DPP10: variants seen among roughly 807,000 people sequenced by gnomAD.
The protein encoded by DPP10 is inactive dipeptidyl peptidase 10.
In DPP10, 33 loss-of-function variants were observed where a neutral mutation model predicts 120.9. The ratio of observed to expected loss-of-function variants is 0.27; its 90% CI spans 0.21 to 0.37. The LOEUF (loss-of-function observed/expected upper bound fraction) is 0.37, where lower values mean the gene tolerates loss of function less well. Ranked by LOEUF, DPP10 falls within the 10% of genes least tolerant of loss-of-function variation. The probability of loss-of-function intolerance (pLI) is 1.00; values close to 1 mark genes in which losing one functional copy is unlikely to be tolerated. For synonymous variants in DPP10, 337 were observed against 326.1 expected, an observed-to-expected ratio of 1.03 and a Z score of -0.36; for missense variants, 816 against 942.8, an observed-to-expected ratio of 0.87 and a Z score of 1.76.
chr2:115,166,329 G>A (rs568159634), intron 1 of DPP10, among the ~76,000 whole-genome samples: 4 of 150,888 alleles, frequency 2.7e-5, no homozygotes, highest in East Asian at 1.9e-4. Flanking sequence ...ATATTACTTC[G>A]AATTATTCAA....
At chr2:115,357,959 G>A (rs1439231773) in intron 3 of DPP10, among the ~76,000 whole-genome samples, 2 of 152,060 alleles carry the variant, frequency 1.3e-5, no homozygotes, top group African/African-American at 4.8e-5. Flanking sequence ...ACAGTACCGA[G>A]GCTATACACA....
At chr2:114,841,507 T>G (rs1352806574) in intron 1 of DPP10, among the ~76,000 whole-genome samples, 5 of 152,272 alleles carry the variant, frequency 3.3e-5, no homozygotes, top group East Asian at 1.9e-4. Context: ...CTGAGTGATT[T>G]CAAATGGAGG....
At chr2:114,766,930 C>CGA (rs912446986) in intron 1 of DPP10, among the ~76,000 whole-genome samples, 18 of 150,360 alleles carry the variant, frequency 1.2e-4, no homozygotes, top group Non-Finnish European at 1.6e-4. Context: ...CATACACACA[C>CGA]GAGAGAGAGA....
intron 1 of DPP10, among the ~76,000 whole-genome samples, chr2:114,460,908 T>C (rs1246266463): frequency 1.3e-5 from 2 of 152,230 alleles, no homozygotes; most frequent in Non-Finnish European, 2.9e-5. Flanking sequence ...TAATTGTTTG[T>C]AGATGAAAAA....
chr2:114,758,935 G>T (rs955279846), intron 1 of DPP10, among the ~76,000 whole-genome samples: 1 of 152,158 alleles, frequency 6.6e-6, no homozygotes, highest in East Asian at 1.9e-4. Context: ...AAGTGAAAAT[G>T]GATGTTCAGA....
Position 115,569,109 on chromosome 2 carries a change from C to A in DPP10, c.441+43137C>A, listed in dbSNP as rs144815181. On this transcript the variant is annotated intron_variant, in intron 5 of 25. Coordinates refer to ENST00000410059, the MANE Select transcript of DPP10 (RefSeq NM_020868.6). Reference sequence around the variant, plus strand: ...TTGCATGCTATATGTATTTTCACCACCCCTTAGTTCACAGATGAAAAACCA... The same window carrying A: ...TTGCATGCTATATGTATTTTCACCAACCCTTAGTTCACAGATGAAAAACCA... Among the ~76,000 whole-genome samples, 237 of 152,300 alleles carry A rather than the reference C, an allele frequency of 1.6e-3. 3 individuals are homozygous for A. The highest frequency in any genetic ancestry group is 5.1e-3 in the African/African-American group (210 of 41,556).
At chr2:115,483,669 G>A (rs2075585505) in intron 3 of DPP10, among the ~76,000 whole-genome samples, 2 of 152,036 alleles carry the variant, frequency 1.3e-5, no homozygotes, top group South Asian at 4.1e-4. Context: ...AATAAAAAAT[G>A]TACTCTCCAC....
At chr2:114,941,935 G>A (rs1236601331) in intron 1 of DPP10, among the ~76,000 whole-genome samples, 1 of 152,046 alleles carries the variant, frequency 6.6e-6, no homozygotes. Context: ...TATGATAAAT[G>A]TAGCTCATAT....
chr2:115,726,810 T>C lies in DPP10; in HGVS notation c.577-1006T>C, dbSNP rs570656449. 1.8e-4 allele frequency among the ~76,000 whole-genome samples: 27 copies of C among 152,242 alleles called. No homozygotes were observed. The South Asian group carries it at 5.2e-3, about 29-fold the overall frequency. On this transcript the variant is annotated intron_variant, in intron 7 of 25. Transcript: ENST00000410059. Reference sequence around the variant, plus strand: ...TAGGGCCTCGTAAGTATTCAGACAATTGTCTTGGAAGATCTTGTGTTTTCT... The same window carrying C: ...TAGGGCCTCGTAAGTATTCAGACAACTGTCTTGGAAGATCTTGTGTTTTCT...
intron 1 of DPP10, among the ~76,000 whole-genome samples, chr2:114,894,181 CATT>C (rs902165136): frequency 4.5e-4 from 69 of 152,280 alleles, no homozygotes; most frequent in African/African-American, 1.4e-3. Flanking sequence ...AAGAAACACA[CATT>C]AATAATTCCC....
intron 7 of DPP10, among the ~76,000 whole-genome samples, chr2:115,723,585 A>G (rs891944110): frequency 6.7e-6 from 1 of 148,228 alleles, no homozygotes; most frequent in Non-Finnish European, 1.5e-5. Context: ...TGCTCTCTGC[A>G]GGTTGGTGTA....
chr2:114,774,149 C>T (rs966318679), intron 1 of DPP10, among the ~76,000 whole-genome samples: 2 of 151,942 alleles, frequency 1.3e-5, no homozygotes, highest in East Asian at 3.9e-4. Flanking sequence ...GTATTCTGTG[C>T]CAGGAGATGA....
intron 5 of DPP10, among the ~76,000 whole-genome samples, chr2:115,598,694 T>A (rs575757354): frequency 6.6e-6 from 1 of 151,974 alleles, no homozygotes; most frequent in Non-Finnish European, 1.5e-5. Context: ...AAGAAATTTT[T>A]AAAATAGGGC....
rs923682074 is a variant in DPP10, at chr2:114,531,564, T to TCA, written c.60+88727_60+88728dup. On this transcript the variant is annotated intron_variant, in intron 1 of 25. Transcript: ENST00000410059. ...ATAAAATGAATACATATATATGTAT[T>TCA]CATATATATATTTATATGTTACAGA... is the stretch of plus-strand genomic sequence containing the variant. 8.7e-4 allele frequency among the ~76,000 whole-genome samples: 12 copies of TCA among 13,842 alleles called. 1 individual carries two copies. Among genetic ancestry groups the TCA allele is most frequent in the African/African-American group, 2.2e-3 (12 of 5,458 alleles). 9.1% of individuals were successfully genotyped at this position (13,842 alleles called of 152,430 possible). A position where few individuals can be genotyped will look rare whatever the true frequency, so the allele number is the denominator to read the frequency against.
intron 5 of DPP10, among the ~76,000 whole-genome samples, chr2:115,560,021 C>A (rs1204716948): frequency 1.3e-5 from 2 of 151,858 alleles, no homozygotes; most frequent in South Asian, 2.1e-4. Context: ...TAGTAGGGAC[C>A]AACGACTTTA....
intron 5 of DPP10, among the ~76,000 whole-genome samples, chr2:115,616,002 A>G (rs1033993884): frequency 5.3e-5 from 8 of 152,198 alleles, no homozygotes; most frequent in African/African-American, 1.4e-4. Context: ...GCAATTCTAA[A>G]TTATTCAGAT....
At chr2:114,534,323 A>G (rs1156546077) in intron 1 of DPP10, among the ~76,000 whole-genome samples, 1 of 151,902 alleles carries the variant, frequency 6.6e-6, no homozygotes, top group African/African-American at 2.4e-5. Context: ...TCTGTATTCT[A>G]TTTTAGAGTG....
At chr2:115,704,009 T>A (rs539034465) in intron 7 of DPP10, among the ~76,000 whole-genome samples, 1 of 152,116 alleles carries the variant, frequency 6.6e-6, no homozygotes, top group South Asian at 2.1e-4. Context: ...AAATATATGT[T>A]AAAATTGAAT....
intron 1 of DPP10, among the ~76,000 whole-genome samples, chr2:114,801,497 T>G (rs1370136278): frequency 6.6e-6 from 1 of 152,144 alleles, no homozygotes; most frequent in Non-Finnish European, 1.5e-5. Flanking sequence ...TAAAACTATT[T>G]GTGTGACTGC....
Sources: allele counts gnomAD v4.1 joint callset (sites outside exome capture counted in the v4.1 genomes callset), GRCh38; gene constraint gnomAD v4.1.1; transcripts MANE v1.5; gene names NCBI Gene and HGNC (gene_info 2026-07-23, HGNC 2026-07-21).